NUS1: variants seen among roughly 807,000 people sequenced by gnomAD.
NUS1 encodes NUS1 dehydrodolichyl diphosphate synthase subunit.
For missense variants in NUS1, 292 were observed against 382.9 expected, an observed-to-expected ratio of 0.76 and a Z score of 1.98; for synonymous variants, 135 against 155.2, an observed-to-expected ratio of 0.87 and a Z score of 0.97.
At chr6:117,678,288 T>C (rs569113952) in intron 1 of NUS1, among the ~76,000 whole-genome samples, 19 of 152,148 alleles carry the variant, frequency 1.2e-4, no homozygotes, top group Non-Finnish European at 2.8e-4. Context: ...ATTCCTGAAA[T>C]AAGAGACCTT....
chr6:117,688,435 G>C (rs767788269), intron 1 of NUS1, among the ~76,000 whole-genome samples: 1 of 142,548 alleles, frequency 7.0e-6, no homozygotes, highest in Admixed American at 7.2e-5. Context: ...GAAATAGAGC[G>C]TCAAGAAGGA....
rs192244177 is a variant in NUS1, at chr6:117,696,302, A to T, written c.691+2122A>T. 4.0e-4 allele frequency among the ~76,000 whole-genome samples: 61 copies of T among 152,258 alleles called. No individual in the cohort carries two copies. The Middle Eastern group carries it at 0.01, about 25-fold the overall frequency. On this transcript the variant is annotated intron_variant, in intron 3 of 4. Coordinates refer to ENST00000368494, the MANE Select transcript of NUS1 (RefSeq NM_138459.5). ...AGCCTCTTGAGGGCAAATCTGAGTT[A>T]TTGGCCTTAAAGAGGAGATACAGAG...
chr6:117,690,809 G>T (rs558013968), intron 1 of NUS1, among the ~76,000 whole-genome samples: 1 of 151,800 alleles, frequency 6.6e-6, no homozygotes, highest in African/African-American at 2.4e-5. Context: ...GGCTAACACG[G>T]TGAAACCCCA....
At chr6:117,695,852 T>C (rs1186405908) in intron 3 of NUS1, among the ~76,000 whole-genome samples, 4 of 152,154 alleles carry the variant, frequency 2.6e-5, no homozygotes, top group Non-Finnish European at 5.9e-5. Context: ...CTTACCATAT[T>C]TTTGAGGTTC....
intron 4 of NUS1, among the ~76,000 whole-genome samples, chr6:117,704,847 G>A (rs1396067020): frequency 1.3e-5 from 2 of 152,178 alleles, no homozygotes; most frequent in African/African-American, 4.8e-5. Context: ...GGAAGATGCA[G>A]ATGATTTTGA....
chr6:117,691,558 G>GATAGATAT (rs1450180747), intron 1 of NUS1, among the ~76,000 whole-genome samples: 1 of 136,980 alleles, frequency 7.3e-6, no homozygotes, highest in African/African-American at 2.7e-5. Flanking sequence ...CATAGATATA[G>GATAGATAT]ATATATATAT....
chr6:117,692,994 G>C (rs1193452618), intron 1 of NUS1, 48 bp from the exon 2 acceptor site: 1 of 1,515,404 alleles, frequency 6.6e-7, no homozygotes, highest in Non-Finnish European at 9.1e-7. Flanking sequence ...CACTTGAAGA[G>C]GAAAAATTAA....
intron 1 of NUS1, among the ~76,000 whole-genome samples, chr6:117,679,709 A>C (rs1157010644): frequency 6.6e-6 from 1 of 152,196 alleles, no homozygotes; most frequent in Non-Finnish European, 1.5e-5. Context: ...CCAGTTAACT[A>C]ACTTCCCCCA....
chr6:117,696,682 T>A (rs1773325347), intron 3 of NUS1, among the ~76,000 whole-genome samples: 1 of 152,092 alleles, frequency 6.6e-6, no homozygotes, highest in Admixed American at 6.5e-5. Flanking sequence ...AGTGAAAATA[T>A]CCTTCAAACA....
At chr6:117,697,802 C>A (rs541359845) in intron 3 of NUS1, among the ~76,000 whole-genome samples, 3 of 151,956 alleles carry the variant, frequency 2.0e-5, no homozygotes, top group Non-Finnish European at 4.4e-5. Flanking sequence ...CACTGTAGAC[C>A]AAATGGATCT....
chr6:117,695,234 C>CATTT (rs1773302667), intron 3 of NUS1, among the ~76,000 whole-genome samples: 2 of 142,360 alleles, frequency 1.4e-5, no homozygotes, highest in South Asian at 4.6e-4. Flanking sequence ...AAAAGAAATG[C>CATTT]ATTTTCTATC....
intron 1 of NUS1, among the ~76,000 whole-genome samples, chr6:117,690,690 C>T (rs959608121): frequency 1.3e-5 from 2 of 152,044 alleles, no homozygotes; most frequent in Non-Finnish European, 2.9e-5. Flanking sequence ...GTGGAATTTT[C>T]AACTTTTAAA....
At chr6:117,676,185 T>G in intron 1 of NUS1, 100 bp downstream of exon 1, 1 of 1,522,906 alleles carries the variant, frequency 6.6e-7, no homozygotes, top group Non-Finnish European at 8.8e-7. Flanking sequence ...CCGCGGCCTC[T>G]CTGCAAATCA....
At position 117,708,593 on chromosome 6, in the gene NUS1, G is replaced by T. The variant is rs561165510; in HGVS notation, c.*1578G>T. The T allele has an allele frequency of 1.3e-5, 2 of 151,434 alleles. No homozygotes were observed. Among genetic ancestry groups the T allele is most frequent in the Non-Finnish European group, 3.0e-5 (2 of 67,706 alleles). 9.4% of individuals were successfully genotyped at this position (151,434 alleles called of 1,614,324 possible). On this transcript the variant is annotated 3_prime_UTR_variant, in exon 5 of 5. Coordinates refer to ENST00000368494, the MANE Select transcript of NUS1 (RefSeq NM_138459.5). ...AATAAAAATGATTAAACTAAATTTT[G>T]GTCCAGTGACATTACTTTGCACTGC... is the stretch of plus-strand genomic sequence containing the variant.
At chr6:117,689,365 A>G (rs1005385167) in intron 1 of NUS1, among the ~76,000 whole-genome samples, 2 of 152,190 alleles carry the variant, frequency 1.3e-5, no homozygotes, top group Non-Finnish European at 2.9e-5. Context: ...AGGTTTTTAA[A>G]AAGAGTATCA....
intron 1 of NUS1, among the ~76,000 whole-genome samples, chr6:117,680,114 T>G (rs2114677748): frequency 6.6e-6 from 1 of 152,252 alleles, no homozygotes; most frequent in African/African-American, 2.4e-5. Flanking sequence ...CAAACTGATC[T>G]TTTTGTTTTT....
At chr6:117,686,258 TA>T (rs1028847521) in intron 1 of NUS1, among the ~76,000 whole-genome samples, 133 of 142,328 alleles carry the variant, frequency 9.3e-4, no homozygotes, top group Admixed American at 1.2e-3. Context: ...AGATTCCGTC[TA>T]AAAAAAAAAA....
chr6:117,689,362 TAA>T (rs1210438116), intron 1 of NUS1, among the ~76,000 whole-genome samples: 1 of 152,258 alleles, frequency 6.6e-6, no homozygotes, highest in East Asian at 1.9e-4. Flanking sequence ...GCTAGGTTTT[TAA>T]AAAGAGTATC....
intron 1 of NUS1, among the ~76,000 whole-genome samples, chr6:117,676,900 G>C (rs1772991904): frequency 6.6e-6 from 1 of 152,190 alleles, no homozygotes; most frequent in South Asian, 2.1e-4. Flanking sequence ...AAATGGGAGC[G>C]GTGGGGGTCA....
Sources: gnomAD v4.1 joint callset for allele counts (sites outside exome capture counted in the v4.1 genomes callset) on GRCh38, gnomAD v4.1.1 for gene constraint, MANE v1.5 for transcripts, NCBI Gene and HGNC (gene_info 2026-07-23, HGNC 2026-07-21) for gene names.